The following RFX1 variants were observed in gnomAD, a reference collection of about 807,000 sequenced individuals.
RFX1 encodes the protein MHC class II regulatory factor RFX1.
RFX1 carries 42 observed loss-of-function variants against 119.6 expected under a neutral mutation model. The observed-to-expected ratio is 0.35, with a 90% CI of 0.27 to 0.45. RFX1 has a LOEUF of 0.45. Ranked by LOEUF, RFX1 falls within the 20% of genes least tolerant of loss-of-function variation. The pLI is 1.00. For synonymous variants in RFX1, 628 were observed against 618.5 expected, an observed-to-expected ratio of 1.02 and a Z score of -0.23; for missense variants, 1,118 against 1,368.1, an observed-to-expected ratio of 0.82 and a Z score of 2.88.
At chr19:13,989,778 A>G (rs1301412738) in intron 2 of RFX1, among the ~76,000 whole-genome samples, 2 of 152,000 alleles carry the variant, frequency 1.3e-5, no homozygotes, top group Non-Finnish European at 2.9e-5. Flanking sequence ...GACAGTTGTG[A>G]ACCTGCTCCC....
rs912356431 is a variant in RFX1, at chr19:13,962,892, G to T, written c.2771-28C>A. The T allele has an allele frequency of 2.6e-6, 4 of 1,534,426 alleles. No individual in the cohort carries two copies. In the African/African-American group the frequency reaches 5.5e-5, roughly 21 times the overall value. ...GGAACACAGGGACCAAGTCCGGCTC[G>T]GGGCGGGGTGGCAACGCCCCCGGGC... On this transcript the variant is annotated intron_variant, in intron 20 of 20. Coordinates refer to ENST00000254325, the MANE Select transcript of RFX1 (RefSeq NM_002918.5).
intron 2 of RFX1, among the ~76,000 whole-genome samples, chr19:13,989,756 C>G (rs1043008138): frequency 1.4e-4 from 22 of 152,026 alleles, no homozygotes; most frequent in Non-Finnish European, 1.2e-4. Flanking sequence ...TAGGATGTGA[C>G]GGGACCTAAT....
rs1973817343 is a variant in RFX1 at position 13,964,116 on chromosome 19, G to C, written c.2212-109C>G. The C allele has an allele frequency of 3.3e-6, 4 of 1,207,236 alleles. No individual in the cohort carries two copies. In the South Asian group the frequency reaches 4.8e-5, roughly 15 times the overall value. The allele number at this position is 1,207,236 out of a possible 1,614,324, so 74.8% of individuals were successfully genotyped here. A position where few individuals can be genotyped will look rare whatever the true frequency, so the allele number is the denominator to read the frequency against. The stretch of plus-strand genomic sequence containing the variant: ...AGCCTGTTTCCTTTTTCCTAAAAAA[G>C]GAGGGATGTGCCTCGCTACTTTTGT... On this transcript the variant is annotated intron_variant, in intron 16 of 20. Coordinates refer to ENST00000254325, the MANE Select transcript of RFX1 (RefSeq NM_002918.5).
At position 13,962,661 on chromosome 19, in the gene RFX1, T is replaced by C; in HGVS notation, c.*34A>G. ...TTTGAGGGACCCTGGCGTGGAGGGG[T>C]GGCGGGGGCGGGTGGGGCGGGGAGG... On this transcript the variant is annotated 3_prime_UTR_variant, in exon 21 of 21. Coordinates refer to ENST00000254325, the MANE Select transcript of RFX1 (RefSeq NM_002918.5). The C allele has an allele frequency of 7.9e-6, 4 of 503,966 alleles. No individual in the cohort carries two copies. Among genetic ancestry groups the C allele is most frequent in the Non-Finnish European group, 9.0e-6 (4 of 444,238 alleles). The allele number at this position is 503,966 out of a possible 1,614,324, so 31.2% of individuals were successfully genotyped here. A position where few individuals can be genotyped will look rare whatever the true frequency, so the allele number is the denominator to read the frequency against.
Position 13,989,830 on chromosome 19 carries a change from G to A in RFX1, c.319+3695C>T, listed in dbSNP as rs554944653. Among the ~76,000 whole-genome samples, 476 of 148,570 alleles carry A rather than the reference G, an allele frequency of 3.2e-3. 4 individuals carry two copies. The highest frequency in any genetic ancestry group is 0.01 in the African/African-American group (410 of 39,654). On this transcript the variant is annotated intron_variant, in intron 2 of 20. Coordinates refer to ENST00000254325, the MANE Select transcript of RFX1 (RefSeq NM_002918.5). ...GGTCAGACTGTGAGGGCGGAGGCTC[G>A]ACCAGGATTGGGGTCATAGAAGTGG... is the stretch of plus-strand genomic sequence containing the variant.
In RFX1 at chr19:13,972,756, G is replaced by A. The variant is rs1199831583; in HGVS notation, c.1301C>T (p.Ala434Val). 1 of 1,598,988 alleles carries A rather than the reference G, an allele frequency of 6.3e-7. No individual in the cohort carries two copies. ...TGGGGCACTTACCGTGGCTGGCGAG[G>A]CACGGGTGGTGTGAGAGTAAGACTG... ...ASQSYSHTTR[A>V]SPATVQWLLD... Residue 434 changes from alanine (A) to valine (V), a missense_variant, in exon 9 of 21, where the codon GCC becomes GTC. Physicochemically the swap from Ala to Val is moderately conservative, Grantham distance 64. This residue lies in a region of RFX1 where 338 missense variants were observed against 508.9 expected (regional missense o/e 0.66). Transcript: ENST00000254325.
rs1288271174 is a variant in RFX1 at position 13,963,879 on chromosome 19, G to C, written c.2340C>G (p.Arg780=). 5.2e-6 allele frequency: 8 copies of C among 1,538,388 alleles called. No homozygotes were observed. Among genetic ancestry groups the C allele is most frequent in the Admixed American group, 2.0e-5 (1 of 50,626 alleles). ...TCACCTGCACGTTGGCGAAGTCCACGCGGTTGAGGTCGCTCAGCATCTGGT... is the reference window on the plus strand; with the variant it reads ...TCACCTGCACGTTGGCGAAGTCCACCCGGTTGAGGTCGCTCAGCATCTGGT... ...QINQMLSDLN[R]VDFANVQEQA... Residue 780 remains arginine, a synonymous_variant, in exon 17 of 21, where the codon CGC becomes CGG. Transcript: ENST00000254325.
At chr19:13,970,294 A>T in intron 9 of RFX1, 119 bp from the exon 10 acceptor site, 1 of 773,608 alleles carries the variant, frequency 1.3e-6, no homozygotes, top group Admixed American at 2.9e-5. Flanking sequence ...CGCCCACATA[A>T]GTTAGCACAT....
intron 1 of RFX1, among the ~76,000 whole-genome samples, chr19:13,999,991 A>G (rs561313910): frequency 6.6e-6 from 1 of 152,230 alleles, no homozygotes; most frequent in Admixed American, 6.5e-5. Flanking sequence ...CCTGTTTTGG[A>G]TGCCAGATTC....
At chr19:13,992,677 G>A (rs1974844882) in intron 2 of RFX1, among the ~76,000 whole-genome samples, 2 of 152,192 alleles carry the variant, frequency 1.3e-5, no homozygotes, top group Non-Finnish European at 2.9e-5. Context: ...AGAGAGAGGA[G>A]CTATGATGAT....
chr19:13,963,448 G>A (rs958991690), intron 18 of RFX1, 90 bp downstream of exon 18: 25 of 1,447,488 alleles, frequency 1.7e-5, no homozygotes, highest in Non-Finnish European at 2.1e-5. Context: ...CAGCCTGCAG[G>A]CTCGGGTCGT....
chr19:13,991,810 C>T (rs556499021), intron 2 of RFX1, among the ~76,000 whole-genome samples: 12 of 152,214 alleles, frequency 7.9e-5, no homozygotes, highest in African/African-American at 2.2e-4. Context: ...TACAGGTTCG[C>T]GCCACCACGC....
chr19:13,980,377 C>T lies in RFX1; in HGVS notation c.738+196G>A, dbSNP rs533354104. On this transcript the variant is annotated intron_variant, in intron 6 of 20. Coordinates refer to ENST00000254325, the MANE Select transcript of RFX1 (RefSeq NM_002918.5). The surrounding 1 kb of genome is among the most constrained non-coding windows in gnomAD (Gnocchi z 5.1). ...GGAGGTTCAAATTTCGTCCTCCCCG[C>T]GGCTCCCCCATCCTCTAGCCCCAGG... Among the ~76,000 whole-genome samples, 4 of 152,334 alleles carry T rather than the reference C, an allele frequency of 2.6e-5. No individual in the cohort carries two copies. Among genetic ancestry groups the T allele is most frequent in the South Asian group, 2.1e-4 (1 of 4,834 alleles).
At position 13,986,648 on chromosome 19, in the gene RFX1, C is replaced by T. The variant is rs2145602895; in HGVS notation, c.320-3053G>A. Among the ~76,000 whole-genome samples the T allele has an allele frequency of 2.0e-5, 3 of 152,282 alleles. No individual in the cohort carries two copies. In the South Asian group the frequency reaches 6.2e-4, roughly 32 times the overall value. On this transcript the variant is annotated intron_variant, in intron 2 of 20. Transcript: ENST00000254325. The surrounding 1 kb of genome is among the most constrained non-coding windows in gnomAD (Gnocchi z 4.2). ...GCCACTCTGGGCATGCGCAGGAGGC[C>T]AGGGAGGCCCCCACTGTCTCAGGAA...
chr19:13,994,893 C>CATACATATAT (rs58399098), intron 1 of RFX1, among the ~76,000 whole-genome samples: 53 of 59,204 alleles, frequency 9.0e-4, no homozygotes, highest in African/African-American at 2.2e-3. Flanking sequence ...AATATACATA[C>CATACATATAT]ATATATATAT....
chr19:13,971,430 C>T (rs996018705), intron 9 of RFX1, among the ~76,000 whole-genome samples: 1 of 152,030 alleles, frequency 6.6e-6, no homozygotes. Flanking sequence ...ACCCACCCCA[C>T]AATCACACAA....
intron 2 of RFX1, among the ~76,000 whole-genome samples, chr19:13,989,624 C>CT (rs894112379): frequency 6.6e-6 from 1 of 152,024 alleles, no homozygotes; most frequent in African/African-American, 2.4e-5. Context: ...TTTTAAAGTC[C>CT]TTTTTTGTCA....
Position 13,990,285 on chromosome 19 carries a change from G to A in RFX1, c.319+3240C>T, listed in dbSNP as rs749203249. Among the ~76,000 whole-genome samples, 1 of 152,126 alleles carries A rather than the reference G, an allele frequency of 6.6e-6. No individual in the cohort carries two copies. Among genetic ancestry groups the A allele is most frequent in the Non-Finnish European group, 1.5e-5 (1 of 68,028 alleles). ...CACGGAGGGGCTGCGGGCGGTGGGC[G>A]GAGACCAGGGCAGTGTGGGCTCCTG... On this transcript the variant is annotated intron_variant, in intron 2 of 20. Coordinates refer to ENST00000254325, the MANE Select transcript of RFX1 (RefSeq NM_002918.5). The surrounding 1 kb of genome is among the most constrained non-coding windows in gnomAD (Gnocchi z 4.1).
chr19:13,965,694 T>A lies in RFX1; in HGVS notation c.2045A>T (p.His682Leu). The A allele has an allele frequency of 6.2e-7, 1 of 1,613,918 alleles. No homozygotes were observed. The highest frequency in any genetic ancestry group is 8.5e-7 in the Non-Finnish European group (1 of 1,179,992). Residue 682 changes from histidine to leucine, a missense_variant, in exon 15 of 21, where the codon CAC becomes CTC. By Grantham distance (99) the His-to-Leu change is moderately conservative. Transcript: ENST00000254325. This position sits in a 1 kb window ranked among gnomAD's most constrained non-coding sequence, Gnocchi z 4.7. ...KFEPVLQWTK[H>L]CDNVLYQGLV... ...GCCCTGGTACAGCACGTTGTCACAGTGCTTGGTCCATTGGAGCACGGGCTC... is the reference window on the plus strand; with the variant it reads ...GCCCTGGTACAGCACGTTGTCACAGAGCTTGGTCCATTGGAGCACGGGCTC...
Sources: gnomAD v4.1 joint callset for allele counts (sites outside exome capture counted in the v4.1 genomes callset) on GRCh38, gnomAD v4.1.1 for gene constraint, gnomAD v4.1.1 regional missense constraint, Gnocchi (gnomAD v3.1) non-coding constraint, MANE v1.5 for transcripts, NCBI Gene and HGNC (gene_info 2026-07-23, HGNC 2026-07-21) for gene names.